The following RBKS variants were observed in gnomAD, a reference collection of about 807,000 sequenced individuals.
RBKS encodes the protein ribokinase.
A neutral mutation model predicts 33.9 loss-of-function variants in RBKS; 33 were observed. That is an observed-to-expected ratio of 0.97 (90% CI 0.74 to 1.30). RBKS has a LOEUF of 1.30. RBKS is among the 50% of genes most tolerant of loss of function. The pLI is 0.00. For synonymous variants in RBKS, 125 were observed against 143.0 expected (o/e 0.87, Z 0.90); for missense variants, 361 against 392.6 (o/e 0.92, Z 0.68).
intron 7 of RBKS, among the ~76,000 whole-genome samples, chr2:27,797,794 G>A (rs1249422565): frequency 4.6e-5 from 7 of 152,148 alleles, no homozygotes; most frequent in East Asian, 3.9e-4. Context: ...ATGAACAGTC[G>A]GAGAGTCTGA....
intron 1 of RBKS, among the ~76,000 whole-genome samples, chr2:27,860,603 T>C (rs1663956389): frequency 6.6e-6 from 1 of 152,154 alleles, no homozygotes. Context: ...TGTATATATA[T>C]ATGTGGGGGA....
intron 7 of RBKS, among the ~76,000 whole-genome samples, chr2:27,783,908 GAAA>G (rs1201425886): frequency 4.2e-5 from 1 of 23,628 alleles, no homozygotes; most frequent in Non-Finnish European, 8.5e-5. Context: ...CTCTGTCTCA[GAAA>G]AAAAAAAAGA....
chr2:27,885,471 C>T (rs1558560186), intron 1 of RBKS, among the ~76,000 whole-genome samples: 1 of 152,138 alleles, frequency 6.6e-6, no homozygotes, highest in African/African-American at 2.4e-5. Context: ...ATTGCTGTCT[C>T]CTGACTCTTT....
rs1458810355 is a variant in RBKS, at chr2:27,810,387, A to G, written c.795+17180T>C. On this transcript the variant is annotated intron_variant, in intron 7 of 7. Coordinates refer to ENST00000302188, the MANE Select transcript of RBKS (RefSeq NM_022128.3). This position sits in a 1 kb window ranked among gnomAD's most constrained non-coding sequence, Gnocchi z 4.4. Reference sequence around the variant, plus strand: ...TCTGCTCCAAATGCTTGCCTGTTACACAGATCATTCATTCCCTAGAAGGCA... The same window carrying G: ...TCTGCTCCAAATGCTTGCCTGTTACGCAGATCATTCATTCCCTAGAAGGCA... Among the ~76,000 whole-genome samples, 1 of 152,138 alleles carries G rather than the reference A, an allele frequency of 6.6e-6. No individual in the cohort carries two copies. The highest frequency in any genetic ancestry group is 2.4e-5 in the African/African-American group (1 of 41,420).
chr2:27,861,376 TG>T, intron 1 of RBKS: 1 of 423,356 alleles, frequency 2.4e-6, no homozygotes, highest in Non-Finnish European at 5.0e-6. Context: ...CAGGGATGAC[TG>T]GGCAACTGTC....
intron 5 of RBKS, 63 bp from the exon 6 acceptor site, chr2:27,832,840 A>G: frequency 9.3e-7 from 1 of 1,070,392 alleles, no homozygotes; most frequent in Non-Finnish European, 1.5e-6. Flanking sequence ...GCATTTACAG[A>G]CAACATTCAG....
Position 27,837,104 on chromosome 2 carries a change from TCTA to T in RBKS, c.515-4330_515-4328del, listed in dbSNP as rs1195957802. ...CTGGCTAACACGGTGAAACCCTGTCTCTACTAAAAATACAAAAATATTAGCCGG... is the reference window on the plus strand; with the variant it reads ...CTGGCTAACACGGTGAAACCCTGTCTCTAAAAATACAAAAATATTAGCCGG... On this transcript the variant is annotated intron_variant, in intron 5 of 7. Transcript: ENST00000302188. This position sits in a 1 kb window ranked among gnomAD's most constrained non-coding sequence, Gnocchi z 4.0. 6.6e-6 allele frequency among the ~76,000 whole-genome samples: 1 copy of T among 151,980 alleles called. No individual in the cohort carries two copies. The highest frequency in any genetic ancestry group is 1.5e-5 in the Non-Finnish European group (1 of 68,028).
chr2:27,814,717 G>T (rs912385593), intron 7 of RBKS, among the ~76,000 whole-genome samples: 31 of 152,196 alleles, frequency 2.0e-4, no homozygotes, highest in Non-Finnish European at 4.0e-4. Context: ...AGAAAACAAT[G>T]TAACATTTTC....
chr2:27,885,944 G>A (rs1487585179), intron 1 of RBKS, among the ~76,000 whole-genome samples: 1 of 152,206 alleles, frequency 6.6e-6, no homozygotes, highest in Admixed American at 6.5e-5. Context: ...AAAGGCCTAT[G>A]AGCCTAACGT....
chr2:27,889,067 C>T (rs986747866), intron 1 of RBKS, among the ~76,000 whole-genome samples: 1 of 152,228 alleles, frequency 6.6e-6, no homozygotes, highest in African/African-American at 2.4e-5. Context: ...ACACAGTCTC[C>T]TACTCATCCT....
intron 1 of RBKS, among the ~76,000 whole-genome samples, chr2:27,885,468 T>C (rs576176522): frequency 2.6e-4 from 40 of 152,310 alleles, no homozygotes; most frequent in African/African-American, 8.9e-4. Flanking sequence ...CTGATTGCTG[T>C]CTCCTGACTC....
At chr2:27,874,532 C>T (rs1664276389) in intron 1 of RBKS, among the ~76,000 whole-genome samples, 1 of 152,186 alleles carries the variant, frequency 6.6e-6, no homozygotes, top group Non-Finnish European at 1.5e-5. Context: ...CTCTGTATTA[C>T]CACAGCAGAG....
At chr2:27,811,499 T>A (rs13032708) in intron 7 of RBKS, among the ~76,000 whole-genome samples, 1 of 152,192 alleles carries the variant, frequency 6.6e-6, no homozygotes, top group African/African-American at 2.4e-5. Context: ...TTTTGTATCA[T>A]TAGTCTTGGA....
intron 7 of RBKS, among the ~76,000 whole-genome samples, chr2:27,825,005 C>T (rs145851741): frequency 1.8e-3 from 277 of 152,078 alleles, no homozygotes; most frequent in African/African-American, 6.4e-3. Flanking sequence ...GGCATGGTGG[C>T]GTGTACCTGT....
chr2:27,841,973 AAAAAAT>A (rs1316709154), intron 5 of RBKS, among the ~76,000 whole-genome samples: 2 of 152,178 alleles, frequency 1.3e-5, no homozygotes, highest in East Asian at 3.9e-4. Context: ...ATTGAAGAGG[AAAAAAT>A]TGGGATTTAC....
intron 5 of RBKS, among the ~76,000 whole-genome samples, chr2:27,834,665 C>T (rs1475105925): frequency 6.6e-6 from 1 of 152,130 alleles, no homozygotes; most frequent in Non-Finnish European, 1.5e-5. Flanking sequence ...TTTAGGTTTT[C>T]AGAACAATAT....
intron 1 of RBKS, among the ~76,000 whole-genome samples, chr2:27,874,633 C>T (rs1210908464): frequency 6.6e-6 from 1 of 152,178 alleles, no homozygotes; most frequent in Non-Finnish European, 1.5e-5. Context: ...AACTCCAACC[C>T]CTTTCTCTTA....
chr2:27,835,627 G>A (rs1217208668), intron 5 of RBKS, among the ~76,000 whole-genome samples: 2 of 136,168 alleles, frequency 1.5e-5, no homozygotes, highest in Non-Finnish European at 3.1e-5. Flanking sequence ...GTTTTGCCAT[G>A]TTGCCTAGGC....
At chr2:27,816,053 C>T (rs1473617135) in intron 7 of RBKS, among the ~76,000 whole-genome samples, 3 of 152,240 alleles carry the variant, frequency 2.0e-5, no homozygotes, top group East Asian at 1.9e-4. Flanking sequence ...CACATGTACA[C>T]GCATGTCCAG....
Sources: gnomAD v4.1 joint callset for allele counts (sites outside exome capture counted in the v4.1 genomes callset) on GRCh38, gnomAD v4.1.1 for gene constraint, Gnocchi (gnomAD v3.1) non-coding constraint, MANE v1.5 for transcripts, NCBI Gene and HGNC (gene_info 2026-07-23, HGNC 2026-07-21) for gene names.